Variants in PDE5A observed in about 807,000 individuals in gnomAD.
The protein encoded by PDE5A is cGMP-specific 3',5'-cyclic phosphodiesterase.
Under a neutral mutation model 110.2 loss-of-function variants are expected in PDE5A, and 67 were observed. The ratio of observed to expected loss-of-function variants is 0.61; its 90% CI spans 0.50 to 0.75. PDE5A has a LOEUF of 0.75. Ranked by LOEUF, PDE5A falls within the 30% of genes least tolerant of loss-of-function variation. The probability of loss-of-function intolerance (pLI) is 0.00; values close to 1 mark genes in which losing one functional copy is unlikely to be tolerated. For synonymous variants in PDE5A, 328 were observed against 351.2 expected (o/e 0.93, Z 0.74); for missense variants, 862 against 1,045.1 (o/e 0.82, Z 2.42).
chr4:119,504,635 A>T lies in PDE5A; in HGVS notation c.2268-36T>A. The stretch of plus-strand genomic sequence containing the variant: ...AAAAAGAAACCCAAAACTCCTATTT[A>T]CTTTTGTGTTATTATATACCCTCAG... On this transcript the variant is annotated intron_variant, in intron 17 of 20. Transcript: ENST00000354960. 1.9e-6 allele frequency: 3 copies of T among 1,568,138 alleles called. No homozygotes were observed. In the East Asian group the frequency reaches 6.7e-5, roughly 35 times the overall value.
At chr4:119,515,690 T>G (rs1725885862) in intron 14 of PDE5A, among the ~76,000 whole-genome samples, 1 of 152,140 alleles carries the variant, frequency 6.6e-6, no homozygotes, top group Non-Finnish European at 1.5e-5. Context: ...CCTTCCTTCA[T>G]GCTTATATAT....
chr4:119,611,181 G>C (rs750705978), intron 1 of PDE5A, among the ~76,000 whole-genome samples: 1 of 152,082 alleles, frequency 6.6e-6, no homozygotes, highest in African/African-American at 2.4e-5. Context: ...AAGTGGTCCT[G>C]ACACATCATG....
intron 20 of PDE5A, among the ~76,000 whole-genome samples, chr4:119,499,370 A>G (rs1321015367): frequency 6.6e-6 from 1 of 152,226 alleles, no homozygotes; most frequent in Non-Finnish European, 1.5e-5. Context: ...TACATAAAAT[A>G]TGGATATAAT....
At chr4:119,502,784 C>G (rs1475359879) in intron 18 of PDE5A, 129 bp from the exon 19 acceptor site, 1 of 616,874 alleles carries the variant, frequency 1.6e-6, no homozygotes, top group Non-Finnish European at 2.9e-6. Context: ...CAGCTTGATA[C>G]CCGAAGACAA....
At chr4:119,576,875 G>A (rs1010329872) in intron 3 of PDE5A, among the ~76,000 whole-genome samples, 10 of 151,928 alleles carry the variant, frequency 6.6e-5, no homozygotes, top group Non-Finnish European at 1.0e-4. Flanking sequence ...CAAAAAACCC[G>A]TCAAAAAATC....
chr4:119,600,905 T>C (rs1284126171), intron 2 of PDE5A, among the ~76,000 whole-genome samples: 6 of 152,202 alleles, frequency 3.9e-5, no homozygotes, highest in Non-Finnish European at 8.8e-5. Context: ...GGAAAAACTA[T>C]TGGAGAAACC....
chr4:119,526,296 A>T (rs1437713085), intron 11 of PDE5A, among the ~76,000 whole-genome samples: 1 of 152,138 alleles, frequency 6.6e-6, no homozygotes, highest in East Asian at 1.9e-4. Context: ...CCAGACTAGC[A>T]GAACCTGCCT....
intron 10 of PDE5A, among the ~76,000 whole-genome samples, chr4:119,540,656 TTAAC>T (rs1256432946): frequency 3.3e-5 from 5 of 152,214 alleles, no homozygotes; most frequent in African/African-American, 1.2e-4. Flanking sequence ...GGCATAAGGA[TTAAC>T]TTTGTTAATA....
intron 2 of PDE5A, among the ~76,000 whole-genome samples, chr4:119,604,841 A>T (rs775696939): frequency 6.6e-6 from 1 of 152,274 alleles, no homozygotes; most frequent in African/African-American, 2.4e-5. Context: ...GTGCAAAAGT[A>T]ATCGCAGTTT....
chr4:119,607,807 T>C, intron 1 of PDE5A, among the ~76,000 whole-genome samples: 1 of 152,178 alleles, frequency 6.6e-6, no homozygotes, highest in East Asian at 1.9e-4. Flanking sequence ...AACATCTTAA[T>C]AAAGGCTGAC....
intron 10 of PDE5A, among the ~76,000 whole-genome samples, chr4:119,540,833 C>G (rs556477710): frequency 2.0e-5 from 3 of 152,148 alleles, no homozygotes; most frequent in Admixed American, 2.0e-4. Flanking sequence ...GTCCAATGGT[C>G]TCATAAAGAA....
chr4:119,510,998 T>G (rs201617608), intron 15 of PDE5A, 49 bp downstream of exon 15: 83 of 1,076,772 alleles, frequency 7.7e-5, no homozygotes, highest in Non-Finnish European at 1.1e-4. Flanking sequence ...TAAAACTGAA[T>G]TTATAAAGCT....
Position 119,510,616 on chromosome 4 carries a change from A to T in PDE5A, c.2088+431T>A, listed in dbSNP as rs1725704454. ...TATGTTGATAAATATTCATTTCACC[A>T]AGTAGTTAAATAGCTTTATTCTTTA... On this transcript the variant is annotated intron_variant, in intron 15 of 20. Transcript: ENST00000354960. Among the ~76,000 whole-genome samples, 3 of 152,080 alleles carry T rather than the reference A, an allele frequency of 2.0e-5. No individual in the cohort carries two copies. In the South Asian group the frequency reaches 6.2e-4, roughly 32 times the overall value.
Position 119,555,685 on chromosome 4 carries a change from G to T in PDE5A, c.1200-1939C>A, listed in dbSNP as rs140022468. On this transcript the variant is annotated intron_variant, in intron 7 of 20. Coordinates refer to ENST00000354960, the MANE Select transcript of PDE5A (RefSeq NM_001083.4). ...ATCATCATCATTATTTTAAGAGTAG[G>T]AGCCAGGAAAAAATCCAAAATGGTT... is the stretch of plus-strand genomic sequence containing the variant. Among the ~76,000 whole-genome samples, 970 of 151,862 alleles carry T rather than the reference G, an allele frequency of 6.4e-3. 7 individuals carry two copies. Among genetic ancestry groups the T allele is most frequent in the African/African-American group, 0.022 (931 of 41,416 alleles).
In PDE5A at chr4:119,525,713, G is replaced by GAA. The variant is rs3832310; in HGVS notation, c.1633-20_1633-19dup. On this transcript the variant is annotated intron_variant, in intron 11 of 20. Transcript: ENST00000354960. This position sits in a 1 kb window ranked among gnomAD's most constrained non-coding sequence, Gnocchi z 4.3. ...ACAGCAGCCTTGGGTAAGGAAAGAA[G>GAA]AAAAAAAAAAATGCTGTTAATTAAA... 6 of 1,418,394 alleles carry GAA rather than the reference G, an allele frequency of 4.2e-6. No homozygotes were observed. The highest frequency in any genetic ancestry group is 1.3e-5 in the South Asian group (1 of 75,154). 87.9% of individuals were successfully genotyped at this position (1,418,394 alleles called of 1,614,324 possible).
In PDE5A at chr4:119,627,157, T is replaced by A. The variant is rs201005905; in HGVS notation, c.152+1363A>T. 789 of 1,613,220 alleles carry A rather than the reference T, an allele frequency of 4.9e-4. No individual in the cohort carries two copies. The highest frequency in any genetic ancestry group is 6.5e-4 in the Non-Finnish European group (768 of 1,179,610). On this transcript the variant is annotated intron_variant, in intron 1 of 20. Coordinates refer to ENST00000354960, the MANE Select transcript of PDE5A (RefSeq NM_001083.4). This position sits in a 1 kb window ranked among gnomAD's most constrained non-coding sequence, Gnocchi z 4.6. ...GGATGCTGAAGGAAGTACCTTGTTT[T>A]GTCTCCAAAGGGCAACATAGCAAAC...
At chr4:119,578,657 C>A (rs888991514) in intron 3 of PDE5A, among the ~76,000 whole-genome samples, 1 of 152,184 alleles carries the variant, frequency 6.6e-6, no homozygotes, top group African/African-American at 2.4e-5. Context: ...GAAACTGGAT[C>A]CCTTCCTTAC....
At chr4:119,507,334 G>A (rs1357460615) in intron 16 of PDE5A, among the ~76,000 whole-genome samples, 1 of 151,892 alleles carries the variant, frequency 6.6e-6, no homozygotes, top group Non-Finnish European at 1.5e-5. Flanking sequence ...GGCTTGGAAT[G>A]ACTGACCTTG....
chr4:119,614,468 G>T (rs572486859), intron 1 of PDE5A, among the ~76,000 whole-genome samples: 9 of 152,230 alleles, frequency 5.9e-5, no homozygotes, highest in Middle Eastern at 3.4e-3. Flanking sequence ...ATTGTTGGCG[G>T]ATAGGCAACA....
Sources: allele counts gnomAD v4.1 joint callset (sites outside exome capture counted in the v4.1 genomes callset), GRCh38; gene constraint gnomAD v4.1.1; non-coding constraint Gnocchi (gnomAD v3.1); transcripts MANE v1.5; gene names NCBI Gene and HGNC (gene_info 2026-07-23, HGNC 2026-07-21).